CD200R1L: variants seen among roughly 807,000 people sequenced by gnomAD.
CD200R1L encodes the protein cell surface glycoprotein CD200 receptor 2.
Under a neutral mutation model 24.8 loss-of-function variants are expected in CD200R1L, and 14 were observed. The observed-to-expected ratio is 0.56, with a 90% CI of 0.37 to 0.88. The LOEUF is 0.88. Ranked by LOEUF, CD200R1L falls within the 40% of genes least tolerant of loss-of-function variation. The pLI, the probability that CD200R1L is intolerant of heterozygous loss-of-function variation, is 0.00. For missense variants in CD200R1L, 299 were observed against 297.8 expected (o/e 1.00, Z -0.03); for synonymous variants, 111 against 109.2 (o/e 1.02, Z -0.11).
chr3:112,833,499 A>G (rs1938861647), intron 3 of CD200R1L, among the ~76,000 whole-genome samples: 1 of 152,150 alleles, frequency 6.6e-6, no homozygotes, highest in South Asian at 2.1e-4. Flanking sequence ...GCATCTAATC[A>G]TGGGATATGA....
At chr3:112,832,861 G>A (rs1938834648) in intron 3 of CD200R1L, among the ~76,000 whole-genome samples, 1 of 152,212 alleles carries the variant, frequency 6.6e-6, no homozygotes, top group Non-Finnish European at 1.5e-5. Flanking sequence ...CATGTACAAT[G>A]TAATCTAAAA....
At chr3:112,836,283 A>G (rs541463099) in intron 3 of CD200R1L, among the ~76,000 whole-genome samples, 1 of 152,336 alleles carries the variant, frequency 6.6e-6, no homozygotes, top group Non-Finnish European at 1.5e-5. Flanking sequence ...TCCCTTCTGC[A>G]GCTGGCAGAA....
intron 2 of CD200R1L, among the ~76,000 whole-genome samples, chr3:112,842,810 C>T (rs1939112664): frequency 6.6e-6 from 1 of 152,022 alleles, no homozygotes; most frequent in South Asian, 2.1e-4. Flanking sequence ...AAAAACTCCG[C>T]CCTGGTAAAT....
At chr3:112,842,676 T>C (rs1939109534) in intron 2 of CD200R1L, among the ~76,000 whole-genome samples, 1 of 152,114 alleles carries the variant, frequency 6.6e-6, no homozygotes, top group African/African-American at 2.4e-5. Flanking sequence ...ATATTAATAT[T>C]AATACCCTGG....
At chr3:112,818,192 A>C (rs1435168138) in intron 7 of CD200R1L, among the ~76,000 whole-genome samples, 1 of 152,170 alleles carries the variant, frequency 6.6e-6, no homozygotes, top group Non-Finnish European at 1.5e-5. Context: ...TTTAAATAAA[A>C]AATCACTTTT....
chr3:112,835,593 C>A (rs1292092846), intron 3 of CD200R1L, among the ~76,000 whole-genome samples: 2 of 152,248 alleles, frequency 1.3e-5, no homozygotes, highest in African/African-American at 4.8e-5. Flanking sequence ...TTCAGGCCTT[C>A]CCAGCTTGAA....
At chr3:112,834,608 C>A (rs1938888610) in intron 3 of CD200R1L, among the ~76,000 whole-genome samples, 1 of 152,202 alleles carries the variant, frequency 6.6e-6, no homozygotes, top group African/African-American at 2.4e-5. Context: ...AGCTGGAAAC[C>A]TTTGTGGCCA....
At chr3:112,831,196 CTAAT>C (rs1938791024) in intron 3 of CD200R1L, among the ~76,000 whole-genome samples, 1 of 152,110 alleles carries the variant, frequency 6.6e-6, no homozygotes, top group Non-Finnish European at 1.5e-5. Context: ...TTATGGTTAA[CTAAT>C]TGTCTTCAGC....
At chr3:112,826,654 G>A (rs1938663369) in intron 6 of CD200R1L, among the ~76,000 whole-genome samples, 1 of 152,116 alleles carries the variant, frequency 6.6e-6, no homozygotes, top group African/African-American at 2.4e-5. Context: ...AGGTAACAAA[G>A]TAATAACTAC....
chr3:112,829,877 GAC>G (rs1938754839), intron 3 of CD200R1L, among the ~76,000 whole-genome samples: 1 of 152,122 alleles, frequency 6.6e-6, no homozygotes, highest in South Asian at 2.1e-4. Context: ...TAGCTCTATA[GAC>G]ACTCTTGTTG....
rs1939207583 is a variant in CD200R1L at position 112,846,767 on chromosome 3, C to T, written c.-501G>A. The T allele has an allele frequency of 6.6e-6, 1 of 152,108 alleles. No individual in the cohort carries two copies. Among genetic ancestry groups the T allele is most frequent in the Admixed American group, 6.6e-5 (1 of 15,266 alleles). The allele number at this position is 152,108 out of a possible 1,614,324, so 9.4% of individuals were successfully genotyped here. Reference sequence around the variant, plus strand: ...TTTTTTCTTCTTTTGCACTTCTTAGCTTTTTATGGTGTCCTTATAAAAAGA... The same window carrying T: ...TTTTTTCTTCTTTTGCACTTCTTAGTTTTTTATGGTGTCCTTATAAAAAGA... On this transcript the variant is annotated 5_prime_UTR_variant, in exon 1 of 8. Coordinates refer to ENST00000488794, the MANE Select transcript of CD200R1L (RefSeq NM_001199215.3).
intron 1 of CD200R1L, 98 bp from the exon 2 acceptor site, chr3:112,846,048 T>C (rs944328163): frequency 4.4e-6 from 1 of 228,812 alleles, no homozygotes; most frequent in East Asian, 9.9e-5. Context: ...ATTTAAAAAG[T>C]AGCATTTTGA....
intron 4 of CD200R1L, among the ~76,000 whole-genome samples, chr3:112,827,901 G>T (rs529464564): frequency 6.6e-6 from 1 of 152,008 alleles, no homozygotes; most frequent in Non-Finnish European, 1.5e-5. Flanking sequence ...CCAGTATTAT[G>T]TATTATTAGA....
Position 112,827,582 on chromosome 3 carries a change from C to G in CD200R1L, c.152G>C (p.Arg51Thr). 1 of 1,614,014 alleles carries G rather than the reference C, an allele frequency of 6.2e-7. No individual in the cohort carries two copies. Among genetic ancestry groups the G allele is most frequent in the Non-Finnish European group, 8.5e-7 (1 of 1,179,942 alleles). ...GGCTTTTGTGCAGGAAGGCTGGCCTCTCAGGATTATTTCCCATGTTATTAT... is the reference window on the plus strand; with the variant it reads ...GGCTTTTGTGCAGGAAGGCTGGCCTGTCAGGATTATTTCCCATGTTATTAT... ...LIIITWEIIL[R>T]GQPSCTKAYK... The change falls in exon 5 of 8, where the codon AGA becomes ACA. Residue 51 changes from arginine to threonine, a missense_variant. Arg to Thr is a moderately conservative substitution (Grantham distance 71, BLOSUM62 -1). Coordinates refer to ENST00000488794, the MANE Select transcript of CD200R1L (RefSeq NM_001199215.3).
At chr3:112,820,911 G>T (rs1315334117) in intron 6 of CD200R1L, among the ~76,000 whole-genome samples, 4 of 151,524 alleles carry the variant, frequency 2.6e-5, no homozygotes, top group Non-Finnish European at 5.9e-5. Context: ...ACAAAAATTA[G>T]CCGAGCGTGG....
intron 1 of CD200R1L, 34 bp downstream of exon 1, chr3:112,846,591 A>G (rs1409362546): frequency 2.6e-5 from 4 of 152,204 alleles, no homozygotes; most frequent in African/African-American, 7.2e-5. Flanking sequence ...ACCCCCGCCC[A>G]ACATTTATTT....
intron 2 of CD200R1L, among the ~76,000 whole-genome samples, chr3:112,845,281 AATCT>A (rs1939175925): frequency 1.3e-5 from 2 of 152,222 alleles, no homozygotes; most frequent in Non-Finnish European, 2.9e-5. Flanking sequence ...ACACTAGAAA[AATCT>A]AGAAGAGATT....
chr3:112,840,645 C>A (rs1939055539), intron 2 of CD200R1L, among the ~76,000 whole-genome samples: 1 of 151,994 alleles, frequency 6.6e-6, no homozygotes, highest in Admixed American at 6.5e-5. Flanking sequence ...AAACATGGAC[C>A]AAATTGTGGT....
chr3:112,819,735 C>G, intron 7 of CD200R1L, 37 bp downstream of exon 7: 1 of 1,478,330 alleles, frequency 6.8e-7, no homozygotes, highest in Non-Finnish European at 9.0e-7. Context: ...TTTTTTTTTT[C>G]TACTGTGTCT....
Sources: allele counts gnomAD v4.1 joint callset (sites outside exome capture counted in the v4.1 genomes callset), GRCh38; gene constraint gnomAD v4.1.1; transcripts MANE v1.5; gene names NCBI Gene and HGNC (gene_info 2026-07-23, HGNC 2026-07-21).